The following SEMA4D variants were observed in gnomAD, a reference collection of about 807,000 sequenced individuals.
The protein encoded by SEMA4D is semaphorin 4D.
SEMA4D carries 22 observed loss-of-function variants against 74.8 expected under a neutral mutation model. The observed-to-expected ratio is 0.29, with a 90% CI of 0.21 to 0.42. The LOEUF is 0.42. Ranked by LOEUF, SEMA4D falls within the 10% of genes least tolerant of loss-of-function variation. The pLI is 1.00. For missense variants in SEMA4D, 937 were observed against 1,118.4 expected (o/e 0.84, Z 2.31); for synonymous variants, 445 against 463.7 (o/e 0.96, Z 0.52).
At chr9:89,479,242 C>T (rs1259174471) in intron 1 of SEMA4D, among the ~76,000 whole-genome samples, 1 of 152,196 alleles carries the variant, frequency 6.6e-6, no homozygotes, top group African/African-American at 2.4e-5. Flanking sequence ...CACATTCCAC[C>T]AATCAAGGCA....
intron 1 of SEMA4D, among the ~76,000 whole-genome samples, chr9:89,471,882 A>G (rs1365420542): frequency 6.9e-6 from 1 of 145,792 alleles, no homozygotes; most frequent in Non-Finnish European, 1.5e-5. Flanking sequence ...GTTGAGGTGC[A>G]AGCCAGACAG....
chr9:89,387,351 G>C, intron 12 of SEMA4D, 35 bp downstream of exon 12: 1 of 1,538,534 alleles, frequency 6.5e-7, no homozygotes, highest in African/African-American at 1.4e-5. Flanking sequence ...CAGATGTGCT[G>C]TCACTGTCAA....
At position 89,475,406 on chromosome 9, in the gene SEMA4D, C is replaced by A. The variant is rs549681414; in HGVS notation, c.-309-19453G>T. Among the ~76,000 whole-genome samples the A allele has an allele frequency of 3.3e-5, 5 of 152,368 alleles. No individual in the cohort carries two copies. In the South Asian group the frequency reaches 8.3e-4, roughly 25 times the overall value. ...TCCTGCCAGCCCAACCACACCAGGA[C>A]TGGTCCATGGGTCACAGCCTTGGCA... is the stretch of plus-strand genomic sequence containing the variant. On this transcript the variant is annotated intron_variant, in intron 1 of 15. Transcript: ENST00000422704.
At chr9:89,371,127 TATGTCTGGG>T (rs1834602927) in intron 16 of SEMA4D, among the ~76,000 whole-genome samples, 1 of 46,526 alleles carries the variant, frequency 2.1e-5, no homozygotes, top group Non-Finnish European at 4.0e-5. Flanking sequence ...GTGTGGTGTG[TATGTCTGGG>T]GTGTGGGGTG....
downstream of SEMA4D, among the ~76,000 whole-genome samples, chr9:89,375,235 C>T (rs988337783): frequency 6.6e-6 from 1 of 152,180 alleles, no homozygotes; most frequent in Non-Finnish European, 1.5e-5. Context: ...AGGACACAGT[C>T]TCCATGGAGA....
intron 1 of SEMA4D, among the ~76,000 whole-genome samples, chr9:89,478,748 A>C: frequency 6.7e-6 from 1 of 149,560 alleles, no homozygotes; most frequent in Non-Finnish European, 1.5e-5. Flanking sequence ...CCTGAGTCCT[A>C]TGGCCCCCTC....
At chr9:89,439,526 C>T (rs746156456) in intron 2 of SEMA4D, among the ~76,000 whole-genome samples, 21 of 152,266 alleles carry the variant, frequency 1.4e-4, no homozygotes, top group Non-Finnish European at 2.5e-4. Flanking sequence ...TGGAAAGAAG[C>T]ATTTCTTCTA....
intron 16 of SEMA4D, chr9:89,368,056 G>T (rs1265704232): frequency 6.6e-6 from 1 of 152,334 alleles, no homozygotes; most frequent in East Asian, 1.9e-4. Context: ...GGGGTGGTGA[G>T]ACATCCACCC....
At position 89,403,531 on chromosome 9, in the gene SEMA4D, A is replaced by G. The variant is rs138230705; in HGVS notation, c.107-515T>C. ...GGAGAATATATCCATCAACGAATGC[A>G]ATTCTCAGTGATCACCACCACAAAC... On this transcript the variant is annotated intron_variant, in intron 3 of 15. Transcript: ENST00000422704. Among the ~76,000 whole-genome samples the G allele has an allele frequency of 3.0e-3, 454 of 152,356 alleles. 5 individuals are homozygous for G. The highest frequency in any genetic ancestry group is 0.011 in the African/African-American group (437 of 41,572).
intron 2 of SEMA4D, among the ~76,000 whole-genome samples, chr9:89,443,533 G>A (rs562103563): frequency 1.3e-5 from 2 of 152,354 alleles, no homozygotes; most frequent in South Asian, 2.1e-4. Flanking sequence ...ATAGCCACCC[G>A]GGAAGCAGGT....
rs930105738 is a variant in SEMA4D at position 89,377,978 on chromosome 9, A to C, written c.*726T>G. On this transcript the variant is annotated 3_prime_UTR_variant, in exon 16 of 16. Transcript: ENST00000422704. ...CTCAAGGAATAAAGTTAAAAAAAAAAAAAGAAAAAGAAAAAAGGTGAGTGG... is the reference window on the plus strand; with the variant it reads ...CTCAAGGAATAAAGTTAAAAAAAAACAAAGAAAAAGAAAAAAGGTGAGTGG... 6.6e-6 allele frequency: 1 copy of C among 152,486 alleles called. No homozygotes were observed. The highest frequency in any genetic ancestry group is 2.4e-5 in the African/African-American group (1 of 41,454). 9.4% of individuals were successfully genotyped at this position (152,486 alleles called of 1,614,324 possible).
intron 2 of SEMA4D, among the ~76,000 whole-genome samples, chr9:89,442,936 C>A (rs1370324692): frequency 6.6e-6 from 1 of 152,240 alleles, no homozygotes; most frequent in Admixed American, 6.5e-5. Flanking sequence ...TGTCATCACA[C>A]AGCCTGTGAG....
At chr9:89,483,407 T>G in intron 1 of SEMA4D, among the ~76,000 whole-genome samples, 1 of 152,148 alleles carries the variant, frequency 6.6e-6, no homozygotes, top group East Asian at 1.9e-4. Flanking sequence ...TGCTGAAGGC[T>G]CTAAGGCATG....
At chr9:89,478,976 G>C (rs1480437724) in intron 1 of SEMA4D, among the ~76,000 whole-genome samples, 1 of 152,190 alleles carries the variant, frequency 6.6e-6, no homozygotes, top group African/African-American at 2.4e-5. Flanking sequence ...CACCAAAGCT[G>C]ACACACCTAA....
chr9:89,402,750 C>CATGG (rs1252814446), intron 4 of SEMA4D, 121 bp downstream of exon 4: 1 of 1,063,642 alleles, frequency 9.4e-7, no homozygotes, highest in East Asian at 2.5e-5. Context: ...GATGGGGCTG[C>CATGG]ATGGTCACAG....
chr9:89,407,976 G>GC (rs1843671327), intron 2 of SEMA4D, among the ~76,000 whole-genome samples: 1 of 152,200 alleles, frequency 6.6e-6, no homozygotes, highest in Non-Finnish European at 1.5e-5. Context: ...TCCACTTTGA[G>GC]CTCCCAAACC....
Position 89,381,221 on chromosome 9 carries a change from C to G in SEMA4D, c.1572G>C (p.Pro524=). ...LARDPYCAWS[P]PTATCVALHQ... ...GCAGAGCCACGCAGGTCGCTGTGGG[C>G]GGGCTCCAGGCGCAGTAGGGGTCCC... Residue 524 remains proline, a synonymous_variant, in exon 14 of 16, where the codon CCG becomes CCC. Coordinates refer to ENST00000422704, the MANE Select transcript of SEMA4D (RefSeq NM_001371194.2). The surrounding 1 kb of genome is among the most constrained non-coding windows in gnomAD (Gnocchi z 4.6). 6.2e-7 allele frequency: 1 copy of G among 1,607,844 alleles called. No individual in the cohort carries two copies.
downstream of SEMA4D, among the ~76,000 whole-genome samples, chr9:89,372,311 CGGGGGTGTGGTGTCTGAGGTGTGTGTGG>C: frequency 4.0e-5 from 2 of 50,118 alleles, no homozygotes; most frequent in South Asian, 7.8e-4. Flanking sequence ...TGGTGTGGGT[CGGGGGTGTGGTGTCTGAGGTGTGTGTGG>C]GGGGGTGTGG....
chr9:89,384,864 G>A, intron 13 of SEMA4D: 1 of 985,406 alleles, frequency 1.0e-6, no homozygotes, highest in Non-Finnish European at 1.2e-6. Flanking sequence ...TGGCCATGGA[G>A]CTGGGCCTTC....
Sources: allele counts gnomAD v4.1 joint callset (sites outside exome capture counted in the v4.1 genomes callset), GRCh38; gene constraint gnomAD v4.1.1; non-coding constraint Gnocchi (gnomAD v3.1); transcripts MANE v1.5; gene names NCBI Gene and HGNC (gene_info 2026-07-23, HGNC 2026-07-21).